Variants in WDR1 observed in about 807,000 individuals in gnomAD.
WDR1 encodes WD repeat-containing protein 1.
In WDR1, 21 loss-of-function variants were observed where a neutral mutation model predicts 71.9. The observed-to-expected ratio is 0.29, with a 90% confidence interval of 0.21 to 0.42. The LOEUF is 0.42. WDR1 is among the 10% of genes least tolerant of loss of function. WDR1 has a pLI of 1.00. For missense variants in WDR1, 696 were observed against 824.5 expected (o/e 0.84, Z 1.91); for synonymous variants, 424 against 347.4 (o/e 1.22, Z -2.45).
chr4:10,079,513 A>G (rs974865485), intron 11 of WDR1, among the ~76,000 whole-genome samples: 1 of 152,246 alleles, frequency 6.6e-6, no homozygotes, highest in African/African-American at 2.4e-5. Context: ...ACTCGCCCAG[A>G]ATCCAAGCCT....
At chr4:10,102,407 C>G (rs1467210940) in intron 3 of WDR1, among the ~76,000 whole-genome samples, 1 of 152,202 alleles carries the variant, frequency 6.6e-6, no homozygotes, top group Non-Finnish European at 1.5e-5. Flanking sequence ...GTGATTAGGC[C>G]AGGAGGGCTC....
At chr4:10,116,585 AGGGGCCGGGGACC>A (rs889499112) in intron 1 of WDR1, 53 bp downstream of exon 1, 149 of 1,116,932 alleles carry the variant, frequency 1.3e-4, no homozygotes, top group Middle Eastern at 7.3e-4. Flanking sequence ...CACGGCGCCT[AGGGGCCGGGGACC>A]GGGGCCGGGG....
chr4:10,116,541 C>T (rs1713747265), intron 1 of WDR1, 110 bp downstream of exon 1: 2 of 885,352 alleles, frequency 2.3e-6, no homozygotes, highest in African/African-American at 1.8e-5. Flanking sequence ...GCGCCCGCAC[C>T]CCTCCCCCGC....
chr4:10,104,007 A>T, intron 2 of WDR1, 21 bp from the exon 3 acceptor site: 1 of 1,578,454 alleles, frequency 6.3e-7, no homozygotes, highest in South Asian at 1.2e-5. Context: ...AGACCCCGGA[A>T]TGAACAGAAG....
At chr4:10,086,455 G>A (rs779502724) in intron 8 of WDR1, among the ~76,000 whole-genome samples, 2 of 152,216 alleles carry the variant, frequency 1.3e-5, no homozygotes, top group African/African-American at 2.4e-5. Flanking sequence ...CTGGTCCGTA[G>A]GAGTCACACA....
rs778072324 is a variant in WDR1 at position 10,077,374 on chromosome 4, G to C, written c.1644C>G (p.Ala548=). The C allele has an allele frequency of 2.5e-6, 4 of 1,613,904 alleles. No individual in the cohort carries two copies. In the African/African-American group the frequency reaches 5.3e-5, roughly 22 times the overall value. The stretch of plus-strand genomic sequence containing the variant: ...ACACCATCATGTCCATGCCACCGGA[G>C]GCAAAGTGTTCATTGTCTGGGGACC... The part of the protein sequence containing the change: ...LAWSPDNEHF[A]SGGMDMMVYV... Residue 548 remains alanine, a synonymous_variant, in exon 14 of 15, where the codon GCC becomes GCG. Transcript: ENST00000499869.
rs1279014137 is a variant in WDR1, at chr4:10,087,976, G to A, written c.718-36C>T. ...AAAAGCAGTGTGTCATGTGCCAGAG[G>A]ACTACAGACTGGAGAGAGACCCCAA... On this transcript the variant is annotated intron_variant, in intron 7 of 14. Transcript: ENST00000499869. 4.6e-6 allele frequency: 7 copies of A among 1,520,660 alleles called. No individual in the cohort carries two copies. The Admixed American group carries it at 6.1e-5, about 13-fold the overall frequency. 94.2% of individuals were successfully genotyped at this position (1,520,660 alleles called of 1,614,324 possible). A position where few individuals can be genotyped will look rare whatever the true frequency, so the allele number is the denominator to read the frequency against.
In WDR1 at chr4:10,087,699, G is replaced by C; in HGVS notation, c.951+8C>G. 3 of 1,578,072 alleles carry C rather than the reference G, an allele frequency of 1.9e-6. No homozygotes were observed. Among genetic ancestry groups the C allele is most frequent in the Non-Finnish European group, 2.6e-6 (3 of 1,161,036 alleles). On this transcript the variant is annotated splice_region_variant and intron_variant, in intron 8 of 14. Transcript: ENST00000499869. ...AGCGGGCAGAGCCTTCCCCAGGGCAGGCCTTACCTTGATGACGTGCAGGGG... is the reference window on the plus strand; with the variant it reads ...AGCGGGCAGAGCCTTCCCCAGGGCACGCCTTACCTTGATGACGTGCAGGGG...
At chr4:10,076,053 G>A (rs566037146) in intron 14 of WDR1, 3 of 153,872 alleles carry the variant, frequency 1.9e-5, no homozygotes, top group South Asian at 2.0e-4. Context: ...TGGCTCCTCT[G>A]TGGCTAGCTC....
chr4:10,077,628 C>T lies in WDR1; in HGVS notation c.1569+125G>A, dbSNP rs1764849542. 1.6e-5 allele frequency: 24 copies of T among 1,459,846 alleles called. 1 individual carries two copies. The South Asian group carries it at 2.5e-4, about 15-fold the overall frequency. 90.4% of individuals were successfully genotyped at this position (1,459,846 alleles called of 1,614,324 possible). A position where few individuals can be genotyped will look rare whatever the true frequency, so the allele number is the denominator to read the frequency against. On this transcript the variant is annotated intron_variant, in intron 13 of 14. Coordinates refer to ENST00000499869, the MANE Select transcript of WDR1 (RefSeq NM_017491.5). ...GAAGCATGGCACGAGGCACCTGCTA[C>T]TTGTAGAGGCAAGAAAACTACAGCT...
intron 2 of WDR1, among the ~76,000 whole-genome samples, chr4:10,107,071 G>A (rs1713064474): frequency 1.3e-5 from 2 of 152,206 alleles, no homozygotes; most frequent in African/African-American, 4.8e-5. Context: ...AACGAGACAG[G>A]GAGGGCAGGA....
At chr4:10,088,576 A>G in intron 6 of WDR1, 88 bp downstream of exon 6, 1 of 1,258,984 alleles carries the variant, frequency 7.9e-7, no homozygotes, top group Non-Finnish European at 1.1e-6. Context: ...GCATGTCAGG[A>G]CTAGCATTAG....
In WDR1 at chr4:10,084,496, T is replaced by C. The variant is rs776620758; in HGVS notation, c.986A>G (p.His329Arg). 2.5e-6 allele frequency: 4 copies of C among 1,613,840 alleles called. No homozygotes were observed. The highest frequency in any genetic ancestry group is 1.7e-6 in the Non-Finnish European group (2 of 1,179,838). The stretch of plus-strand genomic sequence containing the variant: ...AATGTAGGACTTGCCGCCGTTTTTA[T>C]GCACCGTCAGACACTGGATCGATTT... ...HSKSIQCLTV[H>R]KNGGKSYIYS... The change falls in exon 9 of 15, where the codon CAT becomes CGT. Residue 329 changes from histidine to arginine, a missense_variant. Coordinates refer to ENST00000499869, the MANE Select transcript of WDR1 (RefSeq NM_017491.5).
intron 5 of WDR1, among the ~76,000 whole-genome samples, chr4:10,097,406 G>A (rs3822237): frequency 0.62 from 94,955 of 152,148 alleles, 30,689 homozygotes; most frequent in Middle Eastern, 0.75. Flanking sequence ...AGCACCTCCA[G>A]CCCCAGATGC....
At chr4:10,078,719 CAGG>C (rs780310418) in intron 12 of WDR1, 169 bp downstream of exon 12, 11 of 567,292 alleles carry the variant, frequency 1.9e-5, no homozygotes, top group Non-Finnish European at 3.1e-5. Flanking sequence ...CCCTGGGTGG[CAGG>C]AGATGGCGTG....
intron 3 of WDR1, among the ~76,000 whole-genome samples, 165 bp from the exon 4 acceptor site, chr4:10,099,304 G>T (rs184481934): frequency 6.6e-6 from 1 of 152,202 alleles, no homozygotes; most frequent in Non-Finnish European, 1.5e-5. Flanking sequence ...TGAAGAGAAC[G>T]TGTCTTAGGG....
chr4:10,094,488 A>G (rs1295176416), intron 5 of WDR1, among the ~76,000 whole-genome samples: 1 of 152,170 alleles, frequency 6.6e-6, no homozygotes, highest in Non-Finnish European at 1.5e-5. Context: ...AGACATCCCC[A>G]TGGGTGAGAT....
At chr4:10,076,364 T>C (rs1764798698) in intron 14 of WDR1, 1 of 152,316 alleles carries the variant, frequency 6.6e-6, no homozygotes, top group Non-Finnish European at 1.5e-5. Flanking sequence ...AACTCAACTA[T>C]CTGCACGAGA....
intron 10 of WDR1, among the ~76,000 whole-genome samples, chr4:10,082,779 G>A (rs968583253): frequency 7.2e-5 from 11 of 152,244 alleles, no homozygotes; most frequent in African/African-American, 2.4e-4. Context: ...TGCTGCCCCT[G>A]CTTCCAGGGC....
Sources: allele counts gnomAD v4.1 joint callset (sites outside exome capture counted in the v4.1 genomes callset), GRCh38; gene constraint gnomAD v4.1.1; transcripts MANE v1.5; gene names NCBI Gene and HGNC (gene_info 2026-07-23, HGNC 2026-07-21).